Variants in ADGRG4 observed in about 807,000 individuals in gnomAD.
ADGRG4 encodes G protein-coupled receptor 112.
A neutral mutation model predicts 126.2 loss-of-function variants in ADGRG4; 122 were observed. The observed-to-expected ratio is 0.97, with a 90% CI of 0.83 to 1.12. ADGRG4 has a LOEUF of 1.12. ADGRG4 is among the 50% of genes most tolerant of loss of function. ADGRG4 has a pLI of 0.00. For synonymous variants in ADGRG4, 943 were observed against 838.7 expected (o/e 1.12, Z -2.15); for missense variants, 2,481 against 2,251.8 (o/e 1.10, Z -2.06).
chrX:136,416,396 A>T (rs1361698595), intron 25 of ADGRG4, 58 bp from the exon 26 acceptor site: 3 of 961,169 alleles, frequency 3.1e-6, no homozygotes, highest in Non-Finnish European at 4.4e-6. Context: ...TTATGCTTCT[A>T]CTATGTGCAA....
intron 25 of ADGRG4, among the ~76,000 whole-genome samples, chrX:136,415,016 G>A (rs1312363400): frequency 8.9e-6 from 1 of 112,456 alleles, no homozygotes; most frequent in Non-Finnish European, 1.9e-5. Flanking sequence ...AAAGAGAAAG[G>A]CAAAGTGAGC....
At chrX:136,402,781 A>G (rs2075386038) in intron 21 of ADGRG4, among the ~76,000 whole-genome samples, 1 of 111,601 alleles carries the variant, frequency 9.0e-6, no homozygotes, top group African/African-American at 3.3e-5. Flanking sequence ...CGAGTGTGGA[A>G]ACAGTTTCCC....
Position 136,348,563 on chromosome X carries a change from T to G in ADGRG4, c.4857T>G (p.Thr1619=). ...DVTPVIYAGA[T]SKNKMVSSAF... ...CACCTGTGATATATGCTGGGGCTAC[T>G]TCAAAAAACAAAATGGTTTCCTCTG... The change falls in exon 6 of 26, where the codon ACT becomes ACG. Residue 1619 remains threonine (T), a synonymous_variant. Transcript: ENST00000394143. The G allele has an allele frequency of 8.3e-7, 1 of 1,210,033 alleles. No homozygotes were observed. Among genetic ancestry groups the G allele is most frequent in the Non-Finnish European group, 1.1e-6 (1 of 894,456 alleles).
At chrX:136,396,482 G>A (rs1411957082) in intron 19 of ADGRG4, among the ~76,000 whole-genome samples, 3 of 99,837 alleles carry the variant, frequency 3.0e-5, no homozygotes, top group Non-Finnish European at 6.0e-5. Context: ...TGCAAGCTCC[G>A]CCTCCCTGGC....
intron 17 of ADGRG4, among the ~76,000 whole-genome samples, chrX:136,393,022 G>A (rs752607907): frequency 5.4e-5 from 6 of 111,954 alleles, no homozygotes; most frequent in Non-Finnish European, 1.1e-4. Context: ...CTCTCAATTT[G>A]GTCTGGGCTA....
At chrX:136,315,017 T>A (rs1161277528) in intron 4 of ADGRG4, among the ~76,000 whole-genome samples, 2 of 111,035 alleles carry the variant, frequency 1.8e-5, no homozygotes, top group Non-Finnish European at 3.8e-5. Flanking sequence ...ACAAATGGAG[T>A]CAGCAGCCTA....
Position 136,359,475 on chromosome X carries a change from G to T in ADGRG4, c.7144+20G>T, listed in dbSNP as rs991004661. On this transcript the variant is annotated intron_variant, in intron 11 of 25. Transcript: ENST00000394143. ...AACTAGGTAATTTTTTTGGGGGGTG[G>T]ATATTGCAGTATGAACTTACTTCCT... The T allele has an allele frequency of 8.8e-7, 1 of 1,132,511 alleles. No homozygotes were observed. The highest frequency in any genetic ancestry group is 2.0e-5 in the South Asian group (1 of 49,021). The allele number at this position is 1,132,511 out of a possible 1,213,427, so 93.3% of individuals were successfully genotyped here.
At chrX:136,405,309 G>A (rs1490296524) in intron 22 of ADGRG4, among the ~76,000 whole-genome samples, 4 of 106,771 alleles carry the variant, frequency 3.7e-5, no homozygotes, top group African/African-American at 1.0e-4. Flanking sequence ...AGGTGGTGGC[G>A]GGGGGGCAGG....
intron 18 of ADGRG4, among the ~76,000 whole-genome samples, chrX:136,394,649 C>G (rs2075337182): frequency 8.9e-6 from 1 of 112,012 alleles, no homozygotes; most frequent in Non-Finnish European, 1.9e-5. Flanking sequence ...CTGGGGTACT[C>G]CCAGGTCACC....
chrX:136,357,632 C>A, intron 9 of ADGRG4, 72 bp from the exon 10 acceptor site: 1 of 716,344 alleles, frequency 1.4e-6, no homozygotes, highest in Non-Finnish European at 2.1e-6. Flanking sequence ...TTGTTGTTAA[C>A]AATAAGCCCT....
intron 5 of ADGRG4, among the ~76,000 whole-genome samples, chrX:136,334,067 GT>G (rs2148458243): frequency 9.6e-6 from 1 of 103,818 alleles, no homozygotes; most frequent in Admixed American, 1.0e-4. Context: ...GTAGGTTGAG[GT>G]TCTCTCTCTT....
At chrX:136,317,722 G>A (rs774266958) in intron 4 of ADGRG4, among the ~76,000 whole-genome samples, 1 of 111,136 alleles carries the variant, frequency 9.0e-6, no homozygotes, top group Non-Finnish European at 1.9e-5. Context: ...ATTAAAAATG[G>A]GCAAAAGACT....
Position 136,375,236 on chromosome X carries a change from A to G in ADGRG4, c.7776+2172A>G, listed in dbSNP as rs2075218758. On this transcript the variant is annotated intron_variant, in intron 15 of 25. Coordinates refer to ENST00000394143, the MANE Select transcript of ADGRG4 (RefSeq NM_153834.4). ...ATTTCATTCCTTTTTATGGCTGAGTAGTATTCCATGGTGTATATATACCAC... is the reference window on the plus strand; with the variant it reads ...ATTTCATTCCTTTTTATGGCTGAGTGGTATTCCATGGTGTATATATACCAC... 3.6e-5 allele frequency among the ~76,000 whole-genome samples: 4 copies of G among 112,190 alleles called. No individual in the cohort carries two copies. In the South Asian group the frequency reaches 1.5e-3, roughly 42 times the overall value.
chrX:136,366,798 G>T (rs910269463), intron 13 of ADGRG4, among the ~76,000 whole-genome samples: 1 of 111,820 alleles, frequency 8.9e-6, no homozygotes, highest in Non-Finnish European at 1.9e-5. Flanking sequence ...ATGATGAATA[G>T]CTTTTCATAT....
At position 136,336,834 on chromosome X, in the gene ADGRG4, A is replaced by G. The variant is rs766968692; in HGVS notation, c.686-7558A>G. ...TATGGGGTTTTGAGTTTCTCTTTGC[A>G]TGGTTTTCCTAGTGGTTGGACTTGG... On this transcript the variant is annotated intron_variant, in intron 5 of 25. Transcript: ENST00000394143. Among the ~76,000 whole-genome samples, 210 of 111,702 alleles carry G rather than the reference A, an allele frequency of 1.9e-3. 2 individuals are homozygous for G. Among genetic ancestry groups the G allele is most frequent in the African/African-American group, 5.8e-3 (179 of 30,784 alleles).
intron 13 of ADGRG4, among the ~76,000 whole-genome samples, chrX:136,366,208 A>G (rs1431748708): frequency 2.7e-5 from 3 of 111,160 alleles, no homozygotes. Flanking sequence ...CTTCCTCTCA[A>G]CCCCTGGCAA....
chrX:136,402,616 T>G (rs185733228), intron 21 of ADGRG4, among the ~76,000 whole-genome samples: 182 of 112,155 alleles, frequency 1.6e-3, no homozygotes, highest in Non-Finnish European at 2.3e-3. Flanking sequence ...AAATCATTTT[T>G]TTTTTTGCAA....
chrX:136,396,481 C>T (rs1470707977), intron 19 of ADGRG4, among the ~76,000 whole-genome samples: 3 of 99,027 alleles, frequency 3.0e-5, no homozygotes, highest in African/African-American at 3.7e-5. Context: ...CTGCAAGCTC[C>T]GCCTCCCTGG....
At chrX:136,310,208 C>T (rs768643589) in intron 4 of ADGRG4, among the ~76,000 whole-genome samples, 1 of 110,333 alleles carries the variant, frequency 9.1e-6, no homozygotes, top group South Asian at 4.0e-4. Flanking sequence ...AGTGCAGTGA[C>T]GCAATCTTGG....
Sources: gnomAD v4.1 joint callset for allele counts (sites outside exome capture counted in the v4.1 genomes callset) on GRCh38, gnomAD v4.1.1 for gene constraint, MANE v1.5 for transcripts, NCBI Gene and HGNC (gene_info 2026-07-23, HGNC 2026-07-21) for gene names.